NARS2: variants seen among roughly 807,000 people sequenced by gnomAD.
The protein encoded by NARS2 is asparaginyl-tRNA synthetase.
In NARS2, 60 loss-of-function variants were observed where a neutral mutation model predicts 62.9. The observed-to-expected ratio is 0.95, with a 90% confidence interval of 0.77 to 1.18. The LOEUF (loss-of-function observed/expected upper bound fraction) is 1.18. NARS2 is among the 50% of genes most tolerant of loss of function. The pLI, the probability that NARS2 is intolerant of heterozygous loss-of-function variation, is 0.00. For synonymous variants in NARS2, 196 were observed against 200.0 expected, an observed-to-expected ratio of 0.98 and a Z score of 0.17; for missense variants, 619 against 576.4, an observed-to-expected ratio of 1.07 and a Z score of -0.76.
chr11:78,530,793 A>G (rs1861449726), intron 5 of NARS2, among the ~76,000 whole-genome samples: 1 of 152,178 alleles, frequency 6.6e-6, no homozygotes. Context: ...ATTTTCATTT[A>G]TCAGCACTTG....
At chr11:78,513,209 C>T (rs2135391981) in intron 6 of NARS2, among the ~76,000 whole-genome samples, 1 of 152,064 alleles carries the variant, frequency 6.6e-6, no homozygotes, top group South Asian at 2.1e-4. Context: ...GAGACTGCAC[C>T]ACTGCACTCT....
chr11:78,478,393 TAC>T (rs1461218765), intron 9 of NARS2, 43 bp downstream of exon 9: 7 of 852,858 alleles, frequency 8.2e-6, no homozygotes, highest in African/African-American at 6.9e-5. Context: ...GTGTGATAAA[TAC>T]AGTGATAATG....
chr11:78,459,251 T>C (rs1357561570), intron 11 of NARS2, among the ~76,000 whole-genome samples: 2 of 148,020 alleles, frequency 1.4e-5, no homozygotes, highest in Non-Finnish European at 3.0e-5. Flanking sequence ...TTGTCGTTGT[T>C]TTTTTTTTGT....
chr11:78,457,774 G>A, intron 11 of NARS2, among the ~76,000 whole-genome samples: 1 of 149,292 alleles, frequency 6.7e-6, no homozygotes, highest in East Asian at 2.0e-4. Flanking sequence ...TACCTTTTAA[G>A]GAATCTTATG....
chr11:78,489,642 C>T (rs192490215), intron 7 of NARS2, among the ~76,000 whole-genome samples: 108 of 152,270 alleles, frequency 7.1e-4, no homozygotes, highest in South Asian at 1.0e-3. Flanking sequence ...CCAATCCCTT[C>T]TGGATACCAA....
intron 13 of NARS2, among the ~76,000 whole-genome samples, chr11:78,440,138 A>AT (rs1348564993): frequency 3.9e-5 from 6 of 152,320 alleles, no homozygotes; most frequent in African/African-American, 1.4e-4. Flanking sequence ...ATCTTGGCTC[A>AT]TTGTAACCTC....
chr11:78,516,697 G>A (rs142718482), intron 6 of NARS2, among the ~76,000 whole-genome samples: 4 of 152,192 alleles, frequency 2.6e-5, no homozygotes, highest in Admixed American at 6.5e-5. Flanking sequence ...CAACAAAGAG[G>A]AACAAGATAC....
chr11:78,550,719 T>C (rs1329251261), intron 5 of NARS2, among the ~76,000 whole-genome samples: 1 of 152,222 alleles, frequency 6.6e-6, no homozygotes, highest in Admixed American at 6.5e-5. Context: ...GTTTACAACA[T>C]GACCCAGAAA....
intron 5 of NARS2, among the ~76,000 whole-genome samples, chr11:78,547,884 C>T (rs1415938364): frequency 2.2e-4 from 34 of 151,836 alleles, no homozygotes; most frequent in Admixed American, 2.2e-3. Flanking sequence ...GGAACCAAAA[C>T]TGGTAAGTAA....
At chr11:78,493,327 G>T in intron 6 of NARS2, 132 bp from the exon 7 acceptor site, 1 of 804,362 alleles carries the variant, frequency 1.2e-6, no homozygotes, top group Non-Finnish European at 2.0e-6. Context: ...ACACATATTT[G>T]CTGCTACATA....
chr11:78,569,559 T>C (rs1006165430), intron 2 of NARS2, among the ~76,000 whole-genome samples: 3 of 152,318 alleles, frequency 2.0e-5, no homozygotes, highest in South Asian at 2.1e-4. Flanking sequence ...ATAAATTTTA[T>C]TGAAGTAAAT....
chr11:78,566,045 G>A (rs948178195), intron 4 of NARS2, 87 bp downstream of exon 4: 33 of 1,134,224 alleles, frequency 2.9e-5, no homozygotes, highest in Non-Finnish European at 4.1e-5. Context: ...TAACAGACAT[G>A]TTAACATCAG....
intron 5 of NARS2, among the ~76,000 whole-genome samples, chr11:78,549,225 G>T (rs1160496625): frequency 6.6e-6 from 1 of 152,168 alleles, no homozygotes; most frequent in Non-Finnish European, 1.5e-5. Flanking sequence ...GGGGTTCCAT[G>T]CCAGGAGAGA....
intron 7 of NARS2, among the ~76,000 whole-genome samples, chr11:78,489,055 T>C (rs1035684790): frequency 6.6e-6 from 1 of 152,150 alleles, no homozygotes; most frequent in Admixed American, 6.5e-5. Flanking sequence ...CCTTGAGATC[T>C]AGGGCAAGGT....
At chr11:78,482,517 G>T (rs1476838633) in intron 7 of NARS2, among the ~76,000 whole-genome samples, 1 of 150,322 alleles carries the variant, frequency 6.7e-6, no homozygotes, top group Non-Finnish European at 1.5e-5. Flanking sequence ...AAGAAGAAAA[G>T]AGAGAAGAAT....
At chr11:78,469,700 G>T (rs1858783276) in intron 9 of NARS2, among the ~76,000 whole-genome samples, 1 of 152,094 alleles carries the variant, frequency 6.6e-6, no homozygotes, top group African/African-American at 2.4e-5. Context: ...ACAATTCTAG[G>T]CACTGGAGAT....
intron 11 of NARS2, among the ~76,000 whole-genome samples, chr11:78,463,129 A>C (rs1435561560): frequency 1.3e-5 from 2 of 152,184 alleles, no homozygotes; most frequent in Non-Finnish European, 2.9e-5. Context: ...CAGTGACACC[A>C]TTATGGCTCA....
rs1193513382 is a variant in NARS2 at position 78,574,656 on chromosome 11, T to C, written c.-168A>G. 5 of 687,092 alleles carry C rather than the reference T, an allele frequency of 7.3e-6. No homozygotes were observed. The highest frequency in any genetic ancestry group is 3.6e-5 in the African/African-American group (2 of 55,160). The allele number at this position is 687,092 out of a possible 1,614,324, so 42.6% of individuals were successfully genotyped here. On this transcript the variant is annotated 5_prime_UTR_variant, in exon 1 of 14. Coordinates refer to ENST00000281038, the MANE Select transcript of NARS2 (RefSeq NM_024678.6). ...CTTTCTCCTTCAGGACTCCCAGCTC[T>C]GTCCCCACAGAACCTCTCCGCTTCC...
At chr11:78,506,093 T>G (rs916471041) in intron 6 of NARS2, among the ~76,000 whole-genome samples, 1 of 152,008 alleles carries the variant, frequency 6.6e-6, no homozygotes, top group East Asian at 1.9e-4. Context: ...AGTAAGCACA[T>G]GAAAAAAATG....
Sources: allele counts gnomAD v4.1 joint callset (sites outside exome capture counted in the v4.1 genomes callset), GRCh38; gene constraint gnomAD v4.1.1; transcripts MANE v1.5; gene names NCBI Gene and HGNC (gene_info 2026-07-23, HGNC 2026-07-21).